LRGUK: variants seen among roughly 807,000 people sequenced by gnomAD.
LRGUK encodes leucine rich repeats and guanylate kinase domain containing.
LRGUK carries 65 observed loss-of-function variants against 76.0 expected under a neutral mutation model. That is an observed-to-expected ratio of 0.85 (90% confidence interval 0.70 to 1.05). The LOEUF is 1.05. LRGUK is among the 50% of genes least tolerant of loss of function. The probability of loss-of-function intolerance (pLI) is 0.00; values close to 1 mark genes in which losing one functional copy is unlikely to be tolerated. For synonymous variants in LRGUK, 268 were observed against 265.6 expected, an observed-to-expected ratio of 1.01 and a Z score of -0.09; for missense variants, 758 against 732.8, an observed-to-expected ratio of 1.03 and a Z score of -0.40.
downstream of LRGUK, among the ~76,000 whole-genome samples, chr7:134,268,036 T>G (rs983542037): frequency 3.9e-5 from 6 of 152,286 alleles, no homozygotes; most frequent in Middle Eastern, 3.4e-3. Flanking sequence ...ATGCCTACAT[T>G]AGGCAAGAAA....
intron 16 of LRGUK, among the ~76,000 whole-genome samples, chr7:134,235,568 C>T (rs992939290): frequency 6.6e-6 from 1 of 152,162 alleles, no homozygotes; most frequent in Admixed American, 6.5e-5. Flanking sequence ...ATTCGTATCA[C>T]CCTCTAATGC....
chr7:134,250,094 G>A (rs1802408095), intron 18 of LRGUK, among the ~76,000 whole-genome samples: 1 of 152,180 alleles, frequency 6.6e-6, no homozygotes, highest in Non-Finnish European at 1.5e-5. Flanking sequence ...GGCAGTCTCT[G>A]TGGAGCATCC....
chr7:134,163,512 T>A (rs1798842886), exon 7 of LRGUK: 1 of 1,613,348 alleles, frequency 6.2e-7, no homozygotes, highest in African/African-American at 1.3e-5. Flanking sequence ...CATGACCTCC[T>A]GGAAGTGATC....
At chr7:134,132,373 G>C (rs959380782) in intron 1 of LRGUK, among the ~76,000 whole-genome samples, 1 of 151,878 alleles carries the variant, frequency 6.6e-6, no homozygotes, top group Admixed American at 6.6e-5. Context: ...AAAAAAAAAA[G>C]AAGATGGGAA....
intron 16 of LRGUK, among the ~76,000 whole-genome samples, chr7:134,225,748 A>G (rs888786198): frequency 1.2e-4 from 19 of 152,204 alleles, no homozygotes; most frequent in African/African-American, 4.3e-4. Flanking sequence ...GCAAGTATTT[A>G]TCACATTTTA....
intron 4 of LRGUK, among the ~76,000 whole-genome samples, chr7:134,148,011 G>A (rs965360724): frequency 6.9e-6 from 1 of 145,110 alleles, no homozygotes; most frequent in African/African-American, 2.6e-5. Context: ...GCAGTGAGCT[G>A]AGATCACACC....
exon 16 of LRGUK, chr7:134,208,840 C>G: frequency 2.5e-6 from 1 of 398,966 alleles, no homozygotes; most frequent in East Asian, 3.6e-5. Context: ...ATGCCAAGGA[C>G]CTAGAAAATC....
chr7:134,219,561 A>G (rs1051020035), intron 15 of LRGUK, among the ~76,000 whole-genome samples: 4 of 152,288 alleles, frequency 2.6e-5, no homozygotes, highest in East Asian at 1.9e-4. Context: ...TTTAAATTTT[A>G]TCTTATTTAT....
intron 18 of LRGUK, among the ~76,000 whole-genome samples, chr7:134,253,026 C>T (rs564659502): frequency 3.7e-4 from 56 of 152,278 alleles, no homozygotes; most frequent in Admixed American, 2.2e-3. Context: ...ATCAGCCTTT[C>T]CTATTGCCAG....
Position 134,251,503 on chromosome 7 carries a change from A to G in LRGUK, c.2198+2427A>G, listed in dbSNP as rs114977984. Among the ~76,000 whole-genome samples, 209 of 152,330 alleles carry G rather than the reference A, an allele frequency of 1.4e-3. 1 individual carries two copies. Among genetic ancestry groups the G allele is most frequent in the African/African-American group, 4.7e-3 (197 of 41,586 alleles). ...TCAATTTCCATTGTTTAAGCCACTC[A>G]GTTCATGGTATCTTGTTATGGCAGC... On this transcript the variant is annotated intron_variant, in intron 18 of 19. Coordinates refer to the LRGUK transcript ENST00000285928.
intron 13 of LRGUK, among the ~76,000 whole-genome samples, chr7:134,198,138 A>G (rs1411167080): frequency 6.6e-6 from 1 of 152,190 alleles, no homozygotes; most frequent in African/African-American, 2.4e-5. Context: ...CTGACGTAGA[A>G]TATTTCCAAT....
intron 7 of LRGUK, among the ~76,000 whole-genome samples, chr7:134,168,082 G>C (rs920473601): frequency 1.2e-4 from 18 of 152,256 alleles, no homozygotes; most frequent in Admixed American, 6.5e-4. Context: ...TCTTGGCCAG[G>C]CATGGTGACT....
intron 16 of LRGUK, among the ~76,000 whole-genome samples, 165 bp downstream of exon 16, chr7:134,222,083 A>G (rs1801615501): frequency 6.6e-6 from 1 of 152,254 alleles, no homozygotes; most frequent in South Asian, 2.1e-4. Context: ...GAGAATAGAC[A>G]CTGGTTCTAA....
intron 10 of LRGUK, among the ~76,000 whole-genome samples, chr7:134,180,529 C>A (rs1301911685): frequency 6.6e-6 from 1 of 151,880 alleles, no homozygotes; most frequent in Non-Finnish European, 1.5e-5. Context: ...TCCTTTTTTC[C>A]CACACCAAGA....
chr7:134,199,542 A>T (rs1800661879), intron 14 of LRGUK, 121 bp downstream of exon 14: 3 of 769,676 alleles, frequency 3.9e-6, no homozygotes, highest in Admixed American at 5.2e-5. Flanking sequence ...AATCACAAAG[A>T]GCTGCGAAAA....
chr7:134,127,588 C>G (rs145279648), exon 1 of LRGUK: 1 of 1,614,194 alleles, frequency 6.2e-7, no homozygotes, highest in Non-Finnish European at 8.5e-7. Flanking sequence ...GAGCTGGACT[C>G]GGACGGAGAT....
chr7:134,159,833 T>C (rs943317237), intron 6 of LRGUK, among the ~76,000 whole-genome samples: 2 of 152,096 alleles, frequency 1.3e-5, no homozygotes, highest in African/African-American at 4.8e-5. Context: ...ACCTCTTCCA[T>C]TCCTGCAGTG....
intron 11 of LRGUK, among the ~76,000 whole-genome samples, chr7:134,190,713 T>C (rs926932061): frequency 6.6e-6 from 1 of 152,210 alleles, no homozygotes. Flanking sequence ...GCAGCTGTTA[T>C]CCACTTCTCC....
exon 1 of LRGUK, chr7:134,127,504 T>C (rs745858047): frequency 1.9e-6 from 3 of 1,614,126 alleles, no homozygotes; most frequent in Non-Finnish European, 2.5e-6. Context: ...TCTTTTCCCA[T>C]GGGGCAGAAG....
Sources: gnomAD v4.1 joint callset for allele counts (sites outside exome capture counted in the v4.1 genomes callset) on GRCh38, gnomAD v4.1.1 for gene constraint, MANE v1.5 for transcripts, NCBI Gene and HGNC (gene_info 2026-07-23, HGNC 2026-07-21) for gene names.